Variants in KIFBP observed in about 807,000 individuals in gnomAD.
KIFBP encodes the protein kinesin family binding protein.
Under a neutral mutation model 58.9 loss-of-function variants are expected in KIFBP, and 46 were observed. The ratio of observed to expected loss-of-function variants is 0.78; its 90% CI spans 0.62 to 1.00. KIFBP has a LOEUF of 1.00. Ranked by LOEUF, KIFBP falls within the 50% of genes least tolerant of loss-of-function variation. The pLI, the probability that KIFBP is intolerant of heterozygous loss-of-function variation, is 0.00. For synonymous variants in KIFBP, 241 were observed against 283.4 expected (o/e 0.85, Z 1.50); for missense variants, 651 against 752.9 (o/e 0.86, Z 1.58).
chr10:69,008,737 A>G (rs1049652152), intron 4 of KIFBP, 104 bp from the exon 5 acceptor site: 2 of 895,656 alleles, frequency 2.2e-6, no homozygotes, highest in African/African-American at 3.3e-5. Flanking sequence ...TAGTATTTTT[A>G]TCTGATTTTA....
At chr10:68,989,360 T>A in intron 1 of KIFBP, 102 bp downstream of exon 1, 1 of 1,312,706 alleles carries the variant, frequency 7.6e-7, no homozygotes, top group Non-Finnish European at 1.1e-6. Flanking sequence ...GCGCAATTCG[T>A]CCCCACGTTT....
chr10:69,010,858 A>G, intron 5 of KIFBP, 42 bp from the exon 6 acceptor site: 1 of 1,284,486 alleles, frequency 7.8e-7, no homozygotes, highest in Non-Finnish European at 1.1e-6. Context: ...TGAAAATTAC[A>G]GTTGTGACCA....
intron 2 of KIFBP, among the ~76,000 whole-genome samples, chr10:69,004,242 A>G (rs1291431830): frequency 7.1e-6 from 1 of 140,006 alleles, no homozygotes; most frequent in Admixed American, 7.1e-5. Context: ...AAAAAAAAAA[A>G]CTTAAAGAGG....
In KIFBP at chr10:69,016,233, TC is replaced by T; in HGVS notation, c.1686del (p.Lys563ArgfsTer31). 1 of 1,604,364 alleles carries T rather than the reference TC, an allele frequency of 6.2e-7. No individual in the cohort carries two copies. Among genetic ancestry groups the T allele is most frequent in the Non-Finnish European group, 8.5e-7 (1 of 1,175,792 alleles). On this transcript the variant is annotated frameshift_variant, in exon 7 of 7. Transcript: ENST00000361983. LOFTEE classifies it high-confidence loss of function. ...TCTATGGCAAAATCATTACTGCAGA[TC>T]CCAAGAAAGAGCTGGAAAATTTGGC... Reference protein sequence around the residue: ...RLYGKIITADPKKELENLATS... With the variant: ...RLYGKIITADXKKELENLATS...
In KIFBP at chr10:68,989,254, C is replaced by T. The variant is rs865809614; in HGVS notation, c.422C>T (p.Ala141Val). The stretch of plus-strand genomic sequence containing the variant: ...GACTGCATCTCTCTCTGCATCCAGG[C>T]GCAGGTGAGAGCGAGCCCGGCCAGG... ...SHDCISLCIQ[A>V]QNNLGILWSE... The change falls in exon 1 of 7, where the codon GCG (alanine) becomes GTG (valine). Residue 141 changes from alanine (A) to valine (V), a missense_variant. Transcript: ENST00000361983. 1.2e-6 allele frequency: 2 copies of T among 1,612,984 alleles called. No individual in the cohort carries two copies. The highest frequency in any genetic ancestry group is 1.7e-5 in the Admixed American group (1 of 59,980).
chr10:69,001,532 A>G (rs1311767571), intron 2 of KIFBP, among the ~76,000 whole-genome samples: 1 of 152,162 alleles, frequency 6.6e-6, no homozygotes, highest in East Asian at 1.9e-4. Flanking sequence ...AGGCAGGTGG[A>G]TCACTTGAGA....
chr10:69,007,465 A>G (rs539000359), intron 4 of KIFBP, among the ~76,000 whole-genome samples: 1 of 152,324 alleles, frequency 6.6e-6, no homozygotes, highest in South Asian at 2.1e-4. Context: ...GGCATAAGAC[A>G]CTCACTGTTC....
chr10:69,014,314 A>G (rs970787281), intron 6 of KIFBP, among the ~76,000 whole-genome samples: 1 of 152,228 alleles, frequency 6.6e-6, no homozygotes, highest in Non-Finnish European at 1.5e-5. Flanking sequence ...GGAAATAACA[A>G]GCAAGCTCTG....
At chr10:68,996,698 C>T (rs536068518) in intron 1 of KIFBP, among the ~76,000 whole-genome samples, 1 of 151,092 alleles carries the variant, frequency 6.6e-6, no homozygotes, top group East Asian at 2.0e-4. Flanking sequence ...ATTAAAAATA[C>T]AAAAATTAGC....
intron 5 of KIFBP, among the ~76,000 whole-genome samples, 153 bp downstream of exon 5, chr10:69,009,078 T>C (rs1564637763): frequency 6.6e-6 from 1 of 152,232 alleles, no homozygotes; most frequent in Non-Finnish European, 1.5e-5. Context: ...GGAATCAAAT[T>C]TTATTTTTCT....
chr10:68,988,986 C>T lies in KIFBP; in HGVS notation c.154C>T (p.Pro52Ser), dbSNP rs1480034789. 1.2e-6 allele frequency: 2 copies of T among 1,614,232 alleles called. No individual in the cohort carries two copies. The highest frequency in any genetic ancestry group is 4.5e-5 in the East Asian group (2 of 44,874). ...LLEEVKALLG[P>S]APEDEDERPE... ...GGAAGAGGTCAAGGCGCTGCTCGGC[C>T]CTGCGCCTGAGGACGAGGATGAGCG... Residue 52 changes from proline (P) to serine (S), a missense_variant, in exon 1 of 7, where the codon CCT (proline) becomes TCT (serine). Physicochemically the swap from Pro to Ser is moderately conservative, Grantham distance 74 (BLOSUM62 -1). Transcript: ENST00000361983.
intron 6 of KIFBP, among the ~76,000 whole-genome samples, chr10:69,012,567 G>A (rs1178387032): frequency 6.6e-6 from 1 of 151,564 alleles, no homozygotes; most frequent in African/African-American, 2.4e-5. Flanking sequence ...ATCTTTAGTG[G>A]TTGTATTAGT....
At chr10:69,015,356 A>T (rs997951185) in intron 6 of KIFBP, 185 bp from the exon 7 acceptor site, 9 of 563,778 alleles carry the variant, frequency 1.6e-5, no homozygotes, top group African/African-American at 1.5e-4. Flanking sequence ...ACATTTCTTG[A>T]GTTTTTAATA....
intron 2 of KIFBP, among the ~76,000 whole-genome samples, chr10:69,003,099 T>C (rs1412674454): frequency 6.6e-6 from 1 of 151,288 alleles, no homozygotes; most frequent in Non-Finnish European, 1.5e-5. Context: ...TTAAAAATAG[T>C]ATTTGTATGG....
chr10:69,000,287 T>G (rs1379064341), intron 1 of KIFBP, 137 bp from the exon 2 acceptor site: 1 of 680,524 alleles, frequency 1.5e-6, no homozygotes, highest in East Asian at 2.7e-5. Flanking sequence ...AAGGTCAATA[T>G]CATTGTGAAT....
At chr10:69,002,459 C>T (rs1022679071) in intron 2 of KIFBP, among the ~76,000 whole-genome samples, 9 of 152,000 alleles carry the variant, frequency 5.9e-5, no homozygotes, top group South Asian at 2.1e-4. Flanking sequence ...TGCCCAGCCT[C>T]GTACCTTGGC....
At chr10:68,997,258 A>AAGTAATAGAG (rs1368421655) in intron 1 of KIFBP, among the ~76,000 whole-genome samples, 3 of 152,290 alleles carry the variant, frequency 2.0e-5, no homozygotes, top group African/African-American at 7.2e-5. Flanking sequence ...TAAACCTCAT[A>AAGTAATAGAG]AGTAATAGAG....
intron 4 of KIFBP, among the ~76,000 whole-genome samples, chr10:69,007,134 A>C (rs947674580): frequency 3.3e-5 from 5 of 152,186 alleles, no homozygotes; most frequent in African/African-American, 1.2e-4. Flanking sequence ...ACTCCATGGA[A>C]ATTGGCAGTA....
At chr10:69,015,276 G>A (rs1838982003) in intron 6 of KIFBP, 2 of 407,784 alleles carry the variant, frequency 4.9e-6, no homozygotes. Flanking sequence ...AGGAGTAACT[G>A]TAAATAAATT....
Sources: gnomAD v4.1 joint callset for allele counts (sites outside exome capture counted in the v4.1 genomes callset) on GRCh38, gnomAD v4.1.1 for gene constraint, MANE v1.5 for transcripts, NCBI Gene and HGNC (gene_info 2026-07-23, HGNC 2026-07-21) for gene names.